The following MALRD1 variants were observed in gnomAD, a reference collection of about 807,000 sequenced individuals.
MALRD1 encodes the protein MAM and LDL-receptor class A domain-containing protein 1.
Under a neutral mutation model 242.1 loss-of-function variants are expected in MALRD1, and 247 were observed. The ratio of observed to expected loss-of-function variants is 1.02; its 90% CI spans 0.92 to 1.13. The LOEUF is 1.13. Ranked by LOEUF, MALRD1 falls within the 50% of genes most tolerant of loss-of-function variation. MALRD1 has a pLI of 0.00. For missense variants in MALRD1, 2,989 were observed against 2,533.1 expected (o/e 1.18, Z -3.86); for synonymous variants, 995 against 866.6 (o/e 1.15, Z -2.60).
chr10:19,514,304 ACATAT>A (rs1229377942), intron 31 of MALRD1, among the ~76,000 whole-genome samples: 1 of 152,224 alleles, frequency 6.6e-6, no homozygotes, highest in Non-Finnish European at 1.5e-5. Context: ...CATATTAATA[ACATAT>A]CATACAATAT....
At chr10:19,399,060 T>C (rs185055880) in intron 28 of MALRD1, among the ~76,000 whole-genome samples, 121 of 152,308 alleles carry the variant, frequency 7.9e-4, no homozygotes, top group Admixed American at 1.4e-3. Flanking sequence ...ATAGACATTG[T>C]CATCTTAGGT....
At chr10:19,243,284 T>A (rs2131752967) in intron 18 of MALRD1, among the ~76,000 whole-genome samples, 1 of 152,138 alleles carries the variant, frequency 6.6e-6, no homozygotes, top group Non-Finnish European at 1.5e-5. Context: ...GGAACATAGG[T>A]TCTATGTCAC....
At chr10:19,584,239 A>T (rs1837279401) in intron 33 of MALRD1, among the ~76,000 whole-genome samples, 1 of 151,252 alleles carries the variant, frequency 6.6e-6, no homozygotes, top group African/African-American at 2.4e-5. Context: ...TTCTGCTCTG[A>T]TTTTGGTTAT....
At chr10:19,418,637 T>C (rs1833601099) in intron 28 of MALRD1, among the ~76,000 whole-genome samples, 1 of 152,162 alleles carries the variant, frequency 6.6e-6, no homozygotes, top group East Asian at 1.9e-4. Context: ...CTAAAATAAT[T>C]GCAAAATTAA....
intron 36 of MALRD1, among the ~76,000 whole-genome samples, chr10:19,634,673 A>G (rs1296796815): frequency 6.6e-6 from 1 of 152,172 alleles, no homozygotes; most frequent in Non-Finnish European, 1.5e-5. Flanking sequence ...TCTTTTCCGT[A>G]ATACTCATCT....
intron 28 of MALRD1, among the ~76,000 whole-genome samples, chr10:19,411,684 A>C (rs999214314): frequency 6.6e-6 from 1 of 152,178 alleles, no homozygotes; most frequent in East Asian, 1.9e-4. Flanking sequence ...GTCAAGGTTT[A>C]GGACTCAAAG....
intron 18 of MALRD1, among the ~76,000 whole-genome samples, chr10:19,229,790 G>A (rs760922687): frequency 4.6e-5 from 7 of 151,878 alleles, no homozygotes; most frequent in Non-Finnish European, 1.0e-4. Flanking sequence ...TATATCTGCT[G>A]TTCCCAGAGT....
chr10:19,616,630 T>C (rs1161074933), intron 36 of MALRD1, among the ~76,000 whole-genome samples: 1 of 151,976 alleles, frequency 6.6e-6, no homozygotes, highest in Non-Finnish European at 1.5e-5. Flanking sequence ...ATTAGAAAAC[T>C]CATTGAAGGT....
At chr10:19,437,231 T>TAAGA (rs1834385807) in intron 28 of MALRD1, among the ~76,000 whole-genome samples, 1 of 152,106 alleles carries the variant, frequency 6.6e-6, no homozygotes, top group Non-Finnish European at 1.5e-5. Flanking sequence ...GATCACCTGT[T>TAAGA]TTGTCTCTTT....
chr10:19,259,944 T>C (rs1839674221), intron 19 of MALRD1, among the ~76,000 whole-genome samples: 1 of 152,152 alleles, frequency 6.6e-6, no homozygotes, highest in East Asian at 1.9e-4. Context: ...ATGATGTTAG[T>C]TGCATGAGAG....
At chr10:19,201,272 T>C (rs1440279239) in intron 14 of MALRD1, among the ~76,000 whole-genome samples, 1 of 152,152 alleles carries the variant, frequency 6.6e-6, no homozygotes, top group Non-Finnish European at 1.5e-5. Context: ...AGTTTTTAAA[T>C]CTATAGGAAT....
At chr10:19,162,949 A>G (rs933588756) in intron 12 of MALRD1, among the ~76,000 whole-genome samples, 1 of 151,670 alleles carries the variant, frequency 6.6e-6, no homozygotes, top group African/African-American at 2.4e-5. Context: ...TCTGGGTAAC[A>G]TGGTGAAACC....
At chr10:19,358,151 T>A (rs947852182) in intron 26 of MALRD1, among the ~76,000 whole-genome samples, 1 of 151,594 alleles carries the variant, frequency 6.6e-6, no homozygotes, top group Non-Finnish European at 1.5e-5. Context: ...CTTATTGACA[T>A]ATATTTAATA....
At chr10:19,692,930 C>A (rs1372993348) in intron 38 of MALRD1, among the ~76,000 whole-genome samples, 2 of 145,488 alleles carry the variant, frequency 1.4e-5, no homozygotes, top group African/African-American at 5.2e-5. Flanking sequence ...ATACACAAAT[C>A]AATAAATGTA....
chr10:19,076,047 A>G (rs1249604919), intron 2 of MALRD1, among the ~76,000 whole-genome samples: 1 of 151,944 alleles, frequency 6.6e-6, no homozygotes, highest in Admixed American at 6.6e-5. Context: ...ATTTGGGGGA[A>G]AATCCCTGGG....
intron 24 of MALRD1, among the ~76,000 whole-genome samples, chr10:19,333,460 A>G (rs180686675): frequency 6.6e-6 from 1 of 152,202 alleles, no homozygotes; most frequent in African/African-American, 2.4e-5. Context: ...GTCCATGTTG[A>G]TGCAAAGGAC....
chr10:19,696,065 G>T (rs768074175), intron 38 of MALRD1, among the ~76,000 whole-genome samples: 2 of 152,142 alleles, frequency 1.3e-5, no homozygotes, highest in African/African-American at 4.8e-5. Flanking sequence ...GGCAGGACTC[G>T]TGGCACTAAT....
chr10:19,541,080 A>G (rs1834947906), intron 32 of MALRD1, among the ~76,000 whole-genome samples: 1 of 152,218 alleles, frequency 6.6e-6, no homozygotes, highest in Admixed American at 6.5e-5. Flanking sequence ...TGACATTGTA[A>G]AAATGCAATC....
intron 36 of MALRD1, among the ~76,000 whole-genome samples, chr10:19,647,874 A>G (rs1428767975): frequency 1.3e-5 from 2 of 152,178 alleles, no homozygotes; most frequent in Non-Finnish European, 2.9e-5. Context: ...CCAACACTGG[A>G]CAAGAGGGCT....
Sources: gnomAD v4.1 joint callset for allele counts (sites outside exome capture counted in the v4.1 genomes callset) on GRCh38, gnomAD v4.1.1 for gene constraint, MANE v1.5 for transcripts, NCBI Gene and HGNC (gene_info 2026-07-23, HGNC 2026-07-21) for gene names.